Variants in NR3C2 observed in about 807,000 individuals in gnomAD.
NR3C2 encodes the protein nuclear receptor subfamily 3 group C member 2.
In NR3C2, 15 loss-of-function variants were observed where a neutral mutation model predicts 86.4. That is an observed-to-expected ratio of 0.17 (90% CI 0.12 to 0.27). NR3C2 has a LOEUF of 0.27. NR3C2 is among the 10% of genes least tolerant of loss of function. The pLI is 1.00. For missense variants in NR3C2, 960 were observed against 1,195.6 expected (o/e 0.80, Z 2.91); for synonymous variants, 458 against 450.5 (o/e 1.02, Z -0.21).
intron 8 of NR3C2, among the ~76,000 whole-genome samples, chr4:148,087,816 C>A (rs541493949): frequency 6.6e-6 from 1 of 152,296 alleles, no homozygotes; most frequent in East Asian, 1.9e-4. Context: ...TGGGCAAAGA[C>A]TTCATGACTA....
At chr4:148,217,598 C>T (rs1455928141) in intron 3 of NR3C2, among the ~76,000 whole-genome samples, 1 of 152,216 alleles carries the variant, frequency 6.6e-6, no homozygotes, top group African/African-American at 2.4e-5. Flanking sequence ...CTCTTTCCAT[C>T]TTTTCTTTTT....
chr4:148,400,559 T>C (rs1394669883), intron 2 of NR3C2, among the ~76,000 whole-genome samples: 2 of 151,722 alleles, frequency 1.3e-5, no homozygotes, highest in African/African-American at 4.8e-5. Flanking sequence ...GGCGGGCGGA[T>C]CATAAGGTCA....
At chr4:148,199,007 A>G (rs1736579494) in intron 3 of NR3C2, among the ~76,000 whole-genome samples, 2 of 148,422 alleles carry the variant, frequency 1.3e-5, no homozygotes, top group Non-Finnish European at 3.0e-5. Flanking sequence ...AATGGCGTGA[A>G]CCCGGGAGGC....
chr4:148,411,012 T>C (rs961892276), intron 2 of NR3C2, among the ~76,000 whole-genome samples: 8 of 152,220 alleles, frequency 5.3e-5, no homozygotes, highest in South Asian at 2.1e-4. Flanking sequence ...TGTCATCTTA[T>C]ACAATTTGGG....
chr4:148,336,710 A>G (rs1281213810), intron 2 of NR3C2, among the ~76,000 whole-genome samples: 1 of 152,222 alleles, frequency 6.6e-6, no homozygotes, highest in Non-Finnish European at 1.5e-5. Flanking sequence ...TATCTTACAT[A>G]GCCTAGTTTG....
upstream of NR3C2, chr4:148,444,815 G>C (rs1192818575): frequency 2.0e-6 from 2 of 984,970 alleles, no homozygotes; most frequent in Non-Finnish European, 2.4e-6. Context: ...CCCCTCTCCC[G>C]GGGCTGCGCG....
intron 2 of NR3C2, among the ~76,000 whole-genome samples, chr4:148,415,601 C>T (rs112504586): frequency 0.016 from 2,493 of 152,172 alleles, 76 homozygotes; most frequent in African/African-American, 0.058. Flanking sequence ...AGGGTCCATG[C>T]CTCCCTCCAC....
chr4:148,407,287 G>A (rs1748473258), intron 2 of NR3C2, among the ~76,000 whole-genome samples: 1 of 152,166 alleles, frequency 6.6e-6, no homozygotes, highest in Non-Finnish European at 1.5e-5. Flanking sequence ...ATGTGGTCTA[G>A]TAACAACAGA....
chr4:148,424,351 G>A (rs1749427241), intron 2 of NR3C2, among the ~76,000 whole-genome samples: 2 of 152,094 alleles, frequency 1.3e-5, no homozygotes, highest in African/African-American at 4.8e-5. Context: ...ATATTAAAAT[G>A]GTACAAACAC....
chr4:148,080,984 C>T lies in NR3C2; in HGVS notation c.*360G>A, dbSNP rs1730526334. The T allele has an allele frequency of 2.9e-6, 1 of 347,336 alleles. No homozygotes were observed. The allele number at this position is 347,336 out of a possible 1,614,324, so 21.5% of individuals were successfully genotyped here. A position where few individuals can be genotyped will look rare whatever the true frequency, so the allele number is the denominator to read the frequency against. On this transcript the variant is annotated 3_prime_UTR_variant, in exon 9 of 9. Coordinates refer to ENST00000358102, the MANE Select transcript of NR3C2 (RefSeq NM_000901.5). ...TTAAAACGTTCGTTAGTCCTTGAAC[C>T]CTTTTAAAACAAGCGAACGATACCA...
In NR3C2 at chr4:148,438,079, C is replaced by A. The variant is rs527780790; in HGVS notation, c.-2-1217G>T. Among the ~76,000 whole-genome samples, 6 of 152,302 alleles carry A rather than the reference C, an allele frequency of 3.9e-5. No individual in the cohort carries two copies. In the South Asian group the frequency reaches 8.3e-4, roughly 21 times the overall value. On this transcript the variant is annotated intron_variant, in intron 1 of 8. Transcript: ENST00000358102. ...TAATACAAGTGTGAAAACTGAGGCA[C>A]CAGACACACAACCAAGTGTTGGAGC... is the stretch of plus-strand genomic sequence containing the variant.
intron 8 of NR3C2, among the ~76,000 whole-genome samples, chr4:148,090,811 A>G (rs1731025846): frequency 6.6e-6 from 1 of 152,216 alleles, no homozygotes; most frequent in African/African-American, 2.4e-5. Context: ...CGTGTTCCAC[A>G]GACAGAGAAA....
chr4:148,246,671 C>T (rs1284422456), intron 3 of NR3C2, among the ~76,000 whole-genome samples: 2 of 152,198 alleles, frequency 1.3e-5, no homozygotes, highest in East Asian at 3.8e-4. Context: ...CATTTCTCAG[C>T]CTCCAGAGTA....
At chr4:148,119,719 G>C (rs1560931395) in intron 7 of NR3C2, among the ~76,000 whole-genome samples, 1 of 151,082 alleles carries the variant, frequency 6.6e-6, no homozygotes, top group Non-Finnish European at 1.5e-5. Context: ...CTGGGAGGTG[G>C]AGGTTGCAGT....
At chr4:148,218,713 C>T (rs1320275667) in intron 3 of NR3C2, among the ~76,000 whole-genome samples, 2 of 152,164 alleles carry the variant, frequency 1.3e-5, no homozygotes, top group Non-Finnish European at 2.9e-5. Context: ...AATCTAGTTT[C>T]TGTCTCTTTA....
chr4:148,367,349 CATATT>C (rs1242932253), intron 2 of NR3C2, among the ~76,000 whole-genome samples: 3 of 152,036 alleles, frequency 2.0e-5, no homozygotes, highest in Admixed American at 2.0e-4. Flanking sequence ...CGGTCTATGT[CATATT>C]ATATAAATAC....
intron 4 of NR3C2, among the ~76,000 whole-genome samples, chr4:148,187,002 A>ATG (rs1735945708): frequency 4.6e-5 from 1 of 21,914 alleles, no homozygotes; most frequent in Non-Finnish European, 7.0e-5. Context: ...GTATGTATAT[A>ATG]TATATATATA....
chr4:148,107,934 A>G (rs1731876659), intron 8 of NR3C2, among the ~76,000 whole-genome samples: 1 of 152,194 alleles, frequency 6.6e-6, no homozygotes, highest in Non-Finnish European at 1.5e-5. Context: ...TGATAGGTGC[A>G]GCAAACCACC....
At chr4:148,115,524 C>A (rs919193354) in intron 7 of NR3C2, among the ~76,000 whole-genome samples, 1 of 152,184 alleles carries the variant, frequency 6.6e-6, no homozygotes, top group Non-Finnish European at 1.5e-5. Context: ...TTGCTAATTT[C>A]CCATAACTGG....
Sources: allele counts gnomAD v4.1 joint callset (sites outside exome capture counted in the v4.1 genomes callset), GRCh38; gene constraint gnomAD v4.1.1; transcripts MANE v1.5; gene names NCBI Gene and HGNC (gene_info 2026-07-23, HGNC 2026-07-21).